OR7D2: variants seen among roughly 807,000 people sequenced by gnomAD.
OR7D2 encodes olfactory receptor family 7 subfamily D member 2, also known as olfactory receptor 7D2.
For missense variants in OR7D2, 370 were observed against 384.1 expected (o/e 0.96, Z 0.31); for synonymous variants, 158 against 158.7 (o/e 1.00, Z 0.03).
At chr19:9,180,189 G>C (rs1206035928) in intron 1 of OR7D2, among the ~76,000 whole-genome samples, 6 of 145,340 alleles carry the variant, frequency 4.1e-5, no homozygotes, top group Non-Finnish European at 7.6e-5. Flanking sequence ...AATTAATTGT[G>C]TTTAAGTTGA....
At position 9,187,344 on chromosome 19, in the gene OR7D2, A is replaced by G. The variant is rs1282456572; in HGVS notation, c.*624A>G. ...CAGCATTTGACTTTGTTTCTTTACTACCTTACTTAAGAGAATGGCTTCCAG... is the reference window on the plus strand; with the variant it reads ...CAGCATTTGACTTTGTTTCTTTACTGCCTTACTTAAGAGAATGGCTTCCAG... On this transcript the variant is annotated 3_prime_UTR_variant, in exon 3 of 3. Coordinates refer to ENST00000641288, the MANE Select transcript of OR7D2 (RefSeq NM_175883.4). 2.4e-5 allele frequency: 4 copies of G among 166,886 alleles called. No individual in the cohort carries two copies. Among genetic ancestry groups the G allele is most frequent in the African/African-American group, 9.7e-5 (4 of 41,406 alleles). 10.3% of individuals were successfully genotyped at this position (166,886 alleles called of 1,614,324 possible). A position where few individuals can be genotyped will look rare whatever the true frequency, so the allele number is the denominator to read the frequency against.
chr19:9,182,676 C>A (rs1330154555), intron 2 of OR7D2, among the ~76,000 whole-genome samples: 1 of 152,010 alleles, frequency 6.6e-6, no homozygotes, highest in Admixed American at 6.6e-5. Flanking sequence ...CCCGCCACCA[C>A]GCCTGGCTAA....
chr19:9,185,906 A>T lies in OR7D2; in HGVS notation c.125A>T (p.Asn42Ile). Residue 42 changes from asparagine to isoleucine, a missense_variant, in exon 3 of 3, where the codon AAC becomes ATC. Transcript: ENST00000641288. ...ATGTACCTGGTGACGGTGCTGGGAAACCTGCTCATCATCCTGGCCATCAGC... is the reference window on the plus strand; with the variant it reads ...ATGTACCTGGTGACGGTGCTGGGAATCCTGCTCATCATCCTGGCCATCAGC... ...LSMYLVTVLG[N>I]LLIILAISSD... 1 of 1,613,838 alleles carries T rather than the reference A, an allele frequency of 6.2e-7. No homozygotes were observed.
At chr19:9,181,071 G>A (rs968041245) in intron 2 of OR7D2, among the ~76,000 whole-genome samples, 4 of 152,000 alleles carry the variant, frequency 2.6e-5, no homozygotes, top group Admixed American at 1.3e-4. Flanking sequence ...GTTGCAGTGA[G>A]CTATGATCAT....
In OR7D2 at chr19:9,184,907, T is replaced by C. The variant is rs114894640; in HGVS notation, c.-13-862T>C. Among the ~76,000 whole-genome samples the C allele has an allele frequency of 8.9e-3, 1,354 of 152,270 alleles. 24 individuals are homozygous for C. Among genetic ancestry groups the C allele is most frequent in the African/African-American group, 0.031 (1,286 of 41,548 alleles). ...ACATGGATGAATCTGGAGGCCATTATGTTAAGTAGAATAAGTCAGATGCAG... is the reference window on the plus strand; with the variant it reads ...ACATGGATGAATCTGGAGGCCATTACGTTAAGTAGAATAAGTCAGATGCAG... On this transcript the variant is annotated intron_variant, in intron 2 of 2. Transcript: ENST00000641288.
At chr19:9,179,316 G>A (rs2050974276) in intron 1 of OR7D2, among the ~76,000 whole-genome samples, 193 bp downstream of exon 1, 1 of 151,958 alleles carries the variant, frequency 6.6e-6, no homozygotes, top group Non-Finnish European at 1.5e-5. Flanking sequence ...GAGGCAGGCG[G>A]ATCGCTTGAG....
chr19:9,187,607 A>C lies in OR7D2; in HGVS notation c.*887A>C, dbSNP rs2051047817. 1 of 166,944 alleles carries C rather than the reference A, an allele frequency of 6.0e-6. No individual in the cohort carries two copies. Among genetic ancestry groups the C allele is most frequent in the African/African-American group, 2.4e-5 (1 of 41,392 alleles). 10.3% of individuals were successfully genotyped at this position (166,944 alleles called of 1,614,324 possible). On this transcript the variant is annotated 3_prime_UTR_variant, in exon 3 of 3. Transcript: ENST00000641288. ...GAGTTTTTAGTGTACCCGTCACCCA[A>C]GTGGTAGTAGTCTCTTATTCCTCAC...
intron 2 of OR7D2, chr19:9,182,524 A>AT (rs368520782): frequency 5.2e-6 from 1 of 191,276 alleles, no homozygotes; most frequent in South Asian, 1.3e-4. Flanking sequence ...TATCATTATT[A>AT]TTATTATTTT....
intron 1 of OR7D2, among the ~76,000 whole-genome samples, chr19:9,180,071 G>T (rs548717806): frequency 6.6e-6 from 1 of 151,954 alleles, no homozygotes; most frequent in East Asian, 1.9e-4. Context: ...CTCTGCACCA[G>T]ATGTTACATA....
At chr19:9,182,884 G>C (rs61748330) in intron 2 of OR7D2, 1 of 346,146 alleles carries the variant, frequency 2.9e-6, no homozygotes, top group Non-Finnish European at 5.8e-6. Context: ...CATCGGCTTC[G>C]TTCTCAGCAA....
intron 2 of OR7D2, chr19:9,182,897 T>C (rs1799854323): frequency 2.7e-6 from 1 of 364,968 alleles, no homozygotes. Context: ...CTCAGCAAAT[T>C]GACCTGGGCC....
chr19:9,184,012 TGAGAAGAAAAGG>T (rs1437601825), intron 2 of OR7D2, among the ~76,000 whole-genome samples: 1 of 57,752 alleles, frequency 1.7e-5, no homozygotes, highest in East Asian at 5.9e-4. Flanking sequence ...TTGGCAAGGG[TGAGAAGAAAAGG>T]GAACCCCTTG....
chr19:9,185,913 C>T lies in OR7D2; in HGVS notation c.132C>T (p.Leu44=). 1.2e-6 allele frequency: 2 copies of T among 1,614,080 alleles called. No individual in the cohort carries two copies. The highest frequency in any genetic ancestry group is 1.1e-5 in the South Asian group (1 of 91,068). The change falls in exon 3 of 3, where the codon CTC becomes CTT. Residue 44 remains leucine (L), a synonymous_variant. Transcript: ENST00000641288. ...TGGTGACGGTGCTGGGAAACCTGCT[C>T]ATCATCCTGGCCATCAGCTCTGACT... ...MYLVTVLGNL[L]IILAISSDSH... is the part of the protein sequence containing the mutation.
chr19:9,180,063 C>G (rs2050979375), intron 1 of OR7D2, among the ~76,000 whole-genome samples: 1 of 151,932 alleles, frequency 6.6e-6, no homozygotes, highest in South Asian at 2.1e-4. Context: ...AATGTTCACT[C>G]TGCACCAGAT....
intron 2 of OR7D2, among the ~76,000 whole-genome samples, chr19:9,185,352 G>T (rs2051022560): frequency 6.6e-6 from 1 of 151,680 alleles, no homozygotes; most frequent in Admixed American, 6.6e-5. Context: ...TGGTTGAGAT[G>T]AGAGACTTCA....
chr19:9,179,604 A>G (rs1007331633), intron 1 of OR7D2, among the ~76,000 whole-genome samples: 2 of 151,844 alleles, frequency 1.3e-5, no homozygotes, highest in Non-Finnish European at 2.9e-5. Flanking sequence ...ATGGCCTTTC[A>G]TTCTGGAAAC....
At position 9,187,757 on chromosome 19, in the gene OR7D2, T is replaced by G. The variant is rs966048914; in HGVS notation, c.*1037T>G. The G allele has an allele frequency of 1.2e-5, 2 of 166,934 alleles. No individual in the cohort carries two copies. The highest frequency in any genetic ancestry group is 2.4e-5 in the African/African-American group (1 of 41,468). 10.3% of individuals were successfully genotyped at this position (166,934 alleles called of 1,614,324 possible). A position where few individuals can be genotyped will look rare whatever the true frequency, so the allele number is the denominator to read the frequency against. ...ATACGATATGTTCATATGGATCTTA[T>G]GTATGTTGGTTGAACATACAAACAA... On this transcript the variant is annotated 3_prime_UTR_variant, in exon 3 of 3. Transcript: ENST00000641288.
At position 9,187,773 on chromosome 19, in the gene OR7D2, A is replaced by G. The variant is rs1204080422; in HGVS notation, c.*1053A>G. The G allele has an allele frequency of 6.0e-6, 1 of 166,812 alleles. No individual in the cohort carries two copies. Among genetic ancestry groups the G allele is most frequent in the Non-Finnish European group, 1.5e-5 (1 of 68,126 alleles). 10.3% of individuals were successfully genotyped at this position (166,812 alleles called of 1,614,324 possible). A position where few individuals can be genotyped will look rare whatever the true frequency, so the allele number is the denominator to read the frequency against. On this transcript the variant is annotated 3_prime_UTR_variant, in exon 3 of 3. Coordinates refer to ENST00000641288, the MANE Select transcript of OR7D2 (RefSeq NM_175883.4). ...TGGATCTTATGTATGTTGGTTGAAC[A>G]TACAAACAAGTCCAGGTTTTTCATT... is the stretch of plus-strand genomic sequence containing the variant.
In OR7D2 at chr19:9,186,567, T is replaced by G; in HGVS notation, c.786T>G (p.Ser262=). ...YGTGIGVHFT[S]AVTHSSQKIS... ...CAGGCATTGGGGTCCACTTCACTTC[T>G]GCGGTGACTCACTCTTCCCAGAAAA... Residue 262 remains serine, a synonymous_variant, in exon 3 of 3, where the codon TCT becomes TCG. Transcript: ENST00000641288. The G allele has an allele frequency of 6.2e-7, 1 of 1,614,156 alleles. No homozygotes were observed. The highest frequency in any genetic ancestry group is 8.5e-7 in the Non-Finnish European group (1 of 1,180,028).
Sources: gnomAD v4.1 joint callset for allele counts (sites outside exome capture counted in the v4.1 genomes callset) on GRCh38, gnomAD v4.1.1 for gene constraint, MANE v1.5 for transcripts, NCBI Gene and HGNC (gene_info 2026-07-23, HGNC 2026-07-21) for gene names.